Variants in DLGAP2 observed in about 807,000 individuals in gnomAD.
DLGAP2 encodes DLG associated protein 2, also known as disks large-associated protein 2.
DLGAP2 carries 26 observed loss-of-function variants against 100.3 expected under a neutral mutation model. The observed-to-expected ratio is 0.26, with a 90% confidence interval of 0.19 to 0.36. The LOEUF is 0.36. DLGAP2 is among the 10% of genes least tolerant of loss of function. The pLI is 1.00. For synonymous variants in DLGAP2, 886 were observed against 630.1 expected (o/e 1.41, Z -6.08); for missense variants, 1,858 against 1,453.2 (o/e 1.28, Z -4.53).
At chr8:1,283,032 CGTG>C (rs1799850073) in intron 3 of DLGAP2, among the ~76,000 whole-genome samples, 1 of 138,202 alleles carries the variant, frequency 7.2e-6, no homozygotes, top group African/African-American at 2.7e-5. Context: ...GAGCCCAGCA[CGTG>C]AACCATCTGG....
At chr8:1,566,761 T>C (rs532132454) in intron 6 of DLGAP2, among the ~76,000 whole-genome samples, 3 of 152,364 alleles carry the variant, frequency 2.0e-5, no homozygotes, top group African/African-American at 7.2e-5. Flanking sequence ...CCAGTGACCA[T>C]ATAACCTCTT....
chr8:1,207,877 T>C (rs755907612), intron 2 of DLGAP2, among the ~76,000 whole-genome samples: 71 of 152,364 alleles, frequency 4.7e-4, no homozygotes, highest in Non-Finnish European at 7.3e-4. Context: ...TTTTGAGATT[T>C]GCCTATTCCT....
intron 6 of DLGAP2, among the ~76,000 whole-genome samples, chr8:1,585,636 C>A (rs569170082): frequency 5.9e-5 from 9 of 152,150 alleles, no homozygotes; most frequent in Non-Finnish European, 7.3e-5. Context: ...TGCAGCTTAG[C>A]GAGCTCACCA....
chr8:817,421 G>A lies in DLGAP2; in HGVS notation c.18+79596G>A, dbSNP rs556892489. On this transcript the variant is annotated intron_variant, in intron 1 of 14. Transcript: ENST00000637795. ...GTTGGACTTCACCTTTCTCTGCTGC[G>A]TCCTTGATTAGCTTAATAATTGACC... Among the ~76,000 whole-genome samples, 26 of 152,196 alleles carry A rather than the reference G, an allele frequency of 1.7e-4. No homozygotes were observed. In the South Asian group the frequency reaches 3.3e-3, roughly 19 times the overall value.
intron 2 of DLGAP2, among the ~76,000 whole-genome samples, chr8:1,205,297 G>T (rs575136204): frequency 5.3e-5 from 8 of 152,178 alleles, no homozygotes; most frequent in Admixed American, 5.2e-4. Flanking sequence ...AGGAGGGGTC[G>T]GGGATAGCCC....
intron 8 of DLGAP2, among the ~76,000 whole-genome samples, chr8:1,649,239 A>G (rs1798109828): frequency 6.6e-6 from 1 of 151,720 alleles, no homozygotes; most frequent in East Asian, 1.9e-4. Flanking sequence ...TTGTTTCTTC[A>G]AAGCTACCAG....
intron 2 of DLGAP2, among the ~76,000 whole-genome samples, chr8:1,180,596 T>C (rs969491061): frequency 2.8e-5 from 4 of 144,656 alleles, no homozygotes; most frequent in African/African-American, 5.0e-5. Context: ...CACTGTCGAG[T>C]GTGTGTGGGT....
At chr8:1,503,751 G>A (rs1485688072) in intron 4 of DLGAP2, among the ~76,000 whole-genome samples, 1 of 152,156 alleles carries the variant, frequency 6.6e-6, no homozygotes, top group Non-Finnish European at 1.5e-5. Flanking sequence ...ATGGGGTGGG[G>A]GTTGGCCATT....
chr8:1,668,832 C>T (rs999657018), intron 9 of DLGAP2, among the ~76,000 whole-genome samples, 154 bp downstream of exon 9: 1 of 152,226 alleles, frequency 6.6e-6, no homozygotes, highest in East Asian at 1.9e-4. Flanking sequence ...GTGCGTTCGC[C>T]TTGCAGACCT....
intron 2 of DLGAP2, among the ~76,000 whole-genome samples, chr8:994,242 C>G (rs886906652): frequency 6.6e-6 from 1 of 152,118 alleles, no homozygotes; most frequent in Non-Finnish European, 1.5e-5. Context: ...CTCTTGTTGC[C>G]CAGGCTGGAG....
intron 2 of DLGAP2, among the ~76,000 whole-genome samples, chr8:1,167,235 A>C (rs1236750997): frequency 6.6e-6 from 1 of 152,230 alleles, no homozygotes; most frequent in Non-Finnish European, 1.5e-5. Flanking sequence ...TCACAAGCAA[A>C]GGCCCCCAAA....
intron 2 of DLGAP2, among the ~76,000 whole-genome samples, chr8:1,228,250 TAAATA>T (rs1378350395): frequency 7.9e-5 from 12 of 151,938 alleles, no homozygotes; most frequent in Admixed American, 3.3e-4. Flanking sequence ...AAAAAATACA[TAAATA>T]AAACTTTAAA....
At chr8:1,121,406 T>C (rs575242955) in intron 2 of DLGAP2, among the ~76,000 whole-genome samples, 1 of 151,428 alleles carries the variant, frequency 6.6e-6, no homozygotes, top group South Asian at 2.1e-4. Flanking sequence ...CCACCCATCC[T>C]CTTCCCTTCA....
chr8:1,028,287 G>A (rs569185571), intron 2 of DLGAP2, among the ~76,000 whole-genome samples: 1 of 137,086 alleles, frequency 7.3e-6, no homozygotes, highest in Non-Finnish European at 1.6e-5. Context: ...GGTGTCAGGC[G>A]CCCGTTATTC....
intron 1 of DLGAP2, among the ~76,000 whole-genome samples, chr8:848,430 G>A (rs1797113914): frequency 2.9e-5 from 2 of 69,856 alleles, no homozygotes; most frequent in Non-Finnish European, 3.1e-5. Context: ...CCAGTGTAGG[G>A]TCGTGCGGTG....
At chr8:927,298 G>A (rs951999493) in intron 2 of DLGAP2, 3 of 921,410 alleles carry the variant, frequency 3.3e-6, no homozygotes, top group Non-Finnish European at 3.9e-6. Context: ...CTTCTGTGGC[G>A]ACTGTTTTCT....
intron 3 of DLGAP2, among the ~76,000 whole-genome samples, chr8:1,472,941 A>G (rs1275514248): frequency 6.6e-6 from 1 of 150,508 alleles, no homozygotes; most frequent in Non-Finnish European, 1.5e-5. Context: ...AATTCACACA[A>G]TTTTTTTTTT....
chr8:1,491,397 T>TCGGAGGCTTCAGGCTGCTCCCCCAATCC, intron 3 of DLGAP2, among the ~76,000 whole-genome samples: 1 of 149,588 alleles, frequency 6.7e-6, no homozygotes, highest in East Asian at 2.0e-4. Context: ...CCCCCTGACC[T>TCGGAGGCTTCAGGCTGCTCCCCCAATCC]CGGAGGCTTC....
rs564506532 is a variant in DLGAP2 at position 937,412 on chromosome 8, C to T, written c.73+29446C>T. ...TCTCCAAAAAAATTTTTTTAAGAAG[C>T]CTATTTTTCCCCATGACTATGAGAG... On this transcript the variant is annotated intron_variant, in intron 2 of 14. Transcript: ENST00000637795. 9.9e-5 allele frequency among the ~76,000 whole-genome samples: 15 copies of T among 152,246 alleles called. 1 individual carries two copies. The highest frequency in any genetic ancestry group is 3.6e-4 in the African/African-American group (15 of 41,544).
Sources: gnomAD v4.1 joint callset for allele counts (sites outside exome capture counted in the v4.1 genomes callset) on GRCh38, gnomAD v4.1.1 for gene constraint, MANE v1.5 for transcripts, NCBI Gene and HGNC (gene_info 2026-07-23, HGNC 2026-07-21) for gene names.